The following ATE1 variants were observed in gnomAD, a reference collection of about 807,000 sequenced individuals.
ATE1 encodes the protein arginyltransferase 1.
In ATE1, 36 loss-of-function variants were observed where a neutral mutation model predicts 70.5. The observed-to-expected ratio is 0.51, with a 90% CI of 0.39 to 0.67. The LOEUF (loss-of-function observed/expected upper bound fraction) is 0.67, where lower values mean the gene tolerates loss of function less well. Among genes scored for constraint, ATE1 ranks in the 30% least tolerant of loss-of-function variants. The probability of loss-of-function intolerance (pLI) is 0.00; values close to 1 mark genes in which losing one functional copy is unlikely to be tolerated. For missense variants in ATE1, 593 were observed against 629.5 expected (o/e 0.94, Z 0.62); for synonymous variants, 232 against 219.3 (o/e 1.06, Z -0.51).
At chr10:121,780,788 T>C (rs1287406519) in intron 11 of ATE1, among the ~76,000 whole-genome samples, 1 of 152,140 alleles carries the variant, frequency 6.6e-6, no homozygotes, top group African/African-American at 2.4e-5. Context: ...TCCAAGCAGA[T>C]TTCCCTGACC....
intron 2 of ATE1, among the ~76,000 whole-genome samples, chr10:121,923,688 A>T (rs984305045): frequency 7.9e-5 from 12 of 152,222 alleles, no homozygotes; most frequent in African/African-American, 2.9e-4. Context: ...GTTACTTAAA[A>T]ATCATCCACA....
rs11200130 is a variant in ATE1, at chr10:121,753,136, A to G, written c.1379-9278T>C. Among the ~76,000 whole-genome samples the G allele has an allele frequency of 6.0e-3, 911 of 152,302 alleles. 16 individuals carry two copies. The highest frequency in any genetic ancestry group is 0.039 in the East Asian group (203 of 5,182). On this transcript the variant is annotated intron_variant, in intron 11 of 11. Transcript: ENST00000224652. ...CAACTGTTGATAATTTCATTTTTAA[A>G]TTGCTCACTGTTTAAGTGTGTAGGA... is the stretch of plus-strand genomic sequence containing the variant.
At chr10:121,913,667 G>A (rs188695815) in intron 4 of ATE1, 123 bp downstream of exon 4, 39 of 567,164 alleles carry the variant, frequency 6.9e-5, no homozygotes, top group African/African-American at 4.0e-4. Context: ...AACAGTAGTC[G>A]CTGTCATCAT....
intron 11 of ATE1, among the ~76,000 whole-genome samples, chr10:121,758,827 A>G (rs780757169): frequency 5.9e-5 from 9 of 152,134 alleles, no homozygotes; most frequent in Admixed American, 3.9e-4. Context: ...GTAATCAGTG[A>G]TGTTAACTAC....
At chr10:121,899,142 T>C (rs1423607628) in intron 7 of ATE1, among the ~76,000 whole-genome samples, 2 of 152,118 alleles carry the variant, frequency 1.3e-5, no homozygotes, top group Admixed American at 6.5e-5. Context: ...AAGTGCTAAC[T>C]GTACTAAAAC....
chr10:121,754,575 C>T (rs1944717851), intron 11 of ATE1, among the ~76,000 whole-genome samples: 1 of 152,090 alleles, frequency 6.6e-6, no homozygotes, highest in African/African-American at 2.4e-5. Flanking sequence ...TTGTAGAATG[C>T]CAACTAATAA....
intron 11 of ATE1, among the ~76,000 whole-genome samples, chr10:121,768,705 C>T (rs935536501): frequency 1.2e-4 from 18 of 152,166 alleles, no homozygotes; most frequent in Admixed American, 1.2e-3. Flanking sequence ...CAAAACATTA[C>T]ATAACATTTC....
At chr10:121,758,819 A>T (rs1359675263) in intron 11 of ATE1, among the ~76,000 whole-genome samples, 1 of 152,180 alleles carries the variant, frequency 6.6e-6, no homozygotes, top group African/African-American at 2.4e-5. Context: ...TATGATCAGT[A>T]ATCAGTGATG....
intron 7 of ATE1, among the ~76,000 whole-genome samples, chr10:121,874,967 C>G (rs1444760944): frequency 6.7e-6 from 1 of 149,690 alleles, no homozygotes; most frequent in East Asian, 2.0e-4. Flanking sequence ...AGTGAAACCC[C>G]ATCTCTACTA....
At chr10:121,771,664 G>A (rs138745143) in intron 11 of ATE1, among the ~76,000 whole-genome samples, 137 of 152,264 alleles carry the variant, frequency 9.0e-4, no homozygotes, top group African/African-American at 3.3e-3. Context: ...ATGTTTTCAA[G>A]TTATTTTATG....
chr10:121,802,213 C>T (rs77088106), intron 10 of ATE1, among the ~76,000 whole-genome samples: 4,922 of 152,072 alleles, frequency 0.032, 131 homozygotes, highest in Non-Finnish European at 0.044. Flanking sequence ...ACAAGATTTG[C>T]TTTCAGTCTA....
At chr10:121,815,540 A>G (rs1242477150) in intron 10 of ATE1, among the ~76,000 whole-genome samples, 2 of 152,196 alleles carry the variant, frequency 1.3e-5, no homozygotes, top group Non-Finnish European at 2.9e-5. Context: ...TTAAATTGAC[A>G]TAAAGGTCAC....
intron 8 of ATE1, among the ~76,000 whole-genome samples, chr10:121,848,357 G>A (rs890019296): frequency 5.9e-5 from 9 of 151,342 alleles, no homozygotes; most frequent in South Asian, 2.1e-4. Context: ...TGGCTCATGC[G>A]TGTAATCCCA....
chr10:121,779,897 C>T (rs1590276598), intron 11 of ATE1, among the ~76,000 whole-genome samples: 1 of 152,210 alleles, frequency 6.6e-6, no homozygotes, highest in Non-Finnish European at 1.5e-5. Context: ...GTCACTGCTT[C>T]CTGCTTCTGG....
chr10:121,902,578 T>G lies in ATE1; in HGVS notation c.626A>C (p.Lys209Thr). 1.2e-6 allele frequency: 2 copies of G among 1,613,878 alleles called. No homozygotes were observed. The highest frequency in any genetic ancestry group is 2.2e-5 in the South Asian group (2 of 91,054). Reference sequence around the variant, plus strand: ...CCTTTTCCTTTCTTTCCGGATTTCCTTTGCTTTTCGACATGGAGGCTTACT... The same window carrying G: ...CCTTTTCCTTTCTTTCCGGATTTCCGTTGCTTTTCGACATGGAGGCTTACT... ...DLSKPPCRKA[K>T]EIRKERKRLK... Residue 209 changes from lysine to threonine, a missense_variant, in exon 6 of 12, where the codon AAG becomes ACG. Transcript: ENST00000224652.
rs144635820 is a variant in ATE1, at chr10:121,761,335, G to A, written c.1379-17477C>T. Among the ~76,000 whole-genome samples, 6 of 152,296 alleles carry A rather than the reference G, an allele frequency of 3.9e-5. No individual in the cohort carries two copies. The East Asian group carries it at 1.2e-3, about 29-fold the overall frequency. Reference sequence around the variant, plus strand: ...CAACCTTCAGCAAGCACTACCCTGTGATTAGTCAGCAGCTGTCAACATCAA... The same window carrying A: ...CAACCTTCAGCAAGCACTACCCTGTAATTAGTCAGCAGCTGTCAACATCAA... On this transcript the variant is annotated intron_variant, in intron 11 of 11. Coordinates refer to ENST00000224652, the MANE Select transcript of ATE1 (RefSeq NM_001001976.3).
intron 10 of ATE1, among the ~76,000 whole-genome samples, chr10:121,814,069 C>CA (rs1947437182): frequency 2.0e-5 from 3 of 152,098 alleles, no homozygotes; most frequent in Admixed American, 2.0e-4. Flanking sequence ...ATAAGACAAA[C>CA]ACAACAGAAA....
In ATE1 at chr10:121,911,112, C is replaced by A; in HGVS notation, c.377G>T (p.Gly126Val). 4.3e-6 allele frequency: 7 copies of A among 1,610,098 alleles called. No homozygotes were observed. Among genetic ancestry groups the A allele is most frequent in the South Asian group, 2.2e-5 (2 of 89,714 alleles). Residue 126 changes from glycine (G) to valine (V), a missense_variant, in exon 5 of 12, where the codon GGT (glycine) becomes GTT (valine). Coordinates refer to ENST00000224652, the MANE Select transcript of ATE1 (RefSeq NM_001001976.3). The part of the protein sequence containing the change: ...MDSTMDDAVA[G>V]DFALINKLDI... The stretch of plus-strand genomic sequence containing the variant: ...CAGTTTATTTATCAATGCAAAGTCA[C>A]CCGCAACAGCATCATCCATTGTGGA...
At chr10:121,760,692 TAAAG>T (rs1945003970) in intron 11 of ATE1, among the ~76,000 whole-genome samples, 1 of 152,114 alleles carries the variant, frequency 6.6e-6, no homozygotes, top group Non-Finnish European at 1.5e-5. Context: ...ACAAAAAACT[TAAAG>T]AACATTAGAC....
Sources: gnomAD v4.1 joint callset for allele counts (sites outside exome capture counted in the v4.1 genomes callset) on GRCh38, gnomAD v4.1.1 for gene constraint, MANE v1.5 for transcripts, NCBI Gene and HGNC (gene_info 2026-07-23, HGNC 2026-07-21) for gene names.